CSNK2A2IP: variants seen among roughly 807,000 people sequenced by gnomAD.
The protein encoded by CSNK2A2IP is casein kinase II subunit alpha'-interacting protein.
the CSNK2A2IP span, among the ~76,000 whole-genome samples, chr3:88,460,781 T>A: frequency 1.3e-5 from 2 of 152,168 alleles, no homozygotes; most frequent in African/African-American, 4.8e-5. Flanking sequence ...TTTGTGTGTA[T>A]GATTCTTTTT....
At chr3:88,430,479 T>A in the CSNK2A2IP span, among the ~76,000 whole-genome samples, 1 of 151,982 alleles carries the variant, frequency 6.6e-6, no homozygotes, top group Non-Finnish European at 1.5e-5. Flanking sequence ...TGCTGAAGAG[T>A]CATATTCAGC....
At chr3:88,450,619 C>A in the CSNK2A2IP span, among the ~76,000 whole-genome samples, 1 of 152,012 alleles carries the variant, frequency 6.6e-6, no homozygotes, top group African/African-American at 2.4e-5. Flanking sequence ...ATAGCAAGAT[C>A]GGGTTCTTTT....
At chr3:88,372,427 A>G in the CSNK2A2IP span, among the ~76,000 whole-genome samples, 7 of 151,690 alleles carry the variant, frequency 4.6e-5, no homozygotes, top group Admixed American at 4.6e-4. Flanking sequence ...ATTTAAATAT[A>G]TTGAAATAAT....
At chr3:88,374,966 A>T in the CSNK2A2IP span, among the ~76,000 whole-genome samples, 7 of 151,906 alleles carry the variant, frequency 4.6e-5, no homozygotes, top group African/African-American at 1.7e-4. Flanking sequence ...CAAAATTATC[A>T]GTATATAGTC....
the CSNK2A2IP span, among the ~76,000 whole-genome samples, chr3:88,461,879 T>C: frequency 4.6e-5 from 7 of 152,024 alleles, no homozygotes; most frequent in African/African-American, 1.7e-4. Context: ...TAGCTGAGAC[T>C]ACAGGTGCGA....
At chr3:88,418,726 T>G in the CSNK2A2IP span, among the ~76,000 whole-genome samples, 1 of 152,140 alleles carries the variant, frequency 6.6e-6, no homozygotes, top group Non-Finnish European at 1.5e-5. Flanking sequence ...TGTTGTGGGT[T>G]TTGGTGTATA....
At chr3:88,383,477 C>T in the CSNK2A2IP span, among the ~76,000 whole-genome samples, 1 of 152,030 alleles carries the variant, frequency 6.6e-6, no homozygotes, top group Non-Finnish European at 1.5e-5. Context: ...GGTGCAGAGT[C>T]AAGTCTTCAT....
At chr3:88,433,700 A>G in the CSNK2A2IP span, among the ~76,000 whole-genome samples, 1 of 152,214 alleles carries the variant, frequency 6.6e-6, no homozygotes, top group Non-Finnish European at 1.5e-5. Flanking sequence ...AGCTAGCATC[A>G]CAGTGAAAAT....
the CSNK2A2IP span, among the ~76,000 whole-genome samples, chr3:88,458,150 T>G: frequency 7.4e-5 from 10 of 134,250 alleles, no homozygotes; most frequent in African/African-American, 2.9e-4. Flanking sequence ...GGTTTTTTTT[T>G]TTTTTTTTTT....
the CSNK2A2IP span, among the ~76,000 whole-genome samples, chr3:88,391,907 G>C: frequency 6.6e-6 from 1 of 152,178 alleles, no homozygotes. Context: ...ATTAGATAAT[G>C]AGGTGGAGGA....
chr3:88,355,214 T>G, the CSNK2A2IP span, among the ~76,000 whole-genome samples: 8 of 152,250 alleles, frequency 5.3e-5, no homozygotes, highest in Admixed American at 2.0e-4. Context: ...GTGATGGTGG[T>G]GCAGAAGTAG....
At chr3:88,417,464 G>T in the CSNK2A2IP span, among the ~76,000 whole-genome samples, 2 of 152,204 alleles carry the variant, frequency 1.3e-5, no homozygotes, top group East Asian at 3.8e-4. Flanking sequence ...TAGTGGTTCA[G>T]TGTGTCTGGA....
At chr3:88,410,880 A>G in the CSNK2A2IP span, among the ~76,000 whole-genome samples, 7,174 of 152,046 alleles carry the variant, frequency 0.047, 612 homozygotes, top group African/African-American at 0.16. Context: ...TAGAGAGCGG[A>G]AGCAAAACAA....
the CSNK2A2IP span, among the ~76,000 whole-genome samples, chr3:88,459,526 T>C: frequency 6.6e-6 from 1 of 152,096 alleles, no homozygotes; most frequent in South Asian, 2.1e-4. Flanking sequence ...AAAGGTTATG[T>C]CTCATTTTTT....
At chr3:88,454,562 T>A in the CSNK2A2IP span, among the ~76,000 whole-genome samples, 141 of 152,022 alleles carry the variant, frequency 9.3e-4, 1 homozygote, top group African/African-American at 3.1e-3. Flanking sequence ...TTACAGTAGA[T>A]CCATGATCTT....
chr3:88,356,329 A>G, the CSNK2A2IP span, among the ~76,000 whole-genome samples: 1 of 152,010 alleles, frequency 6.6e-6, no homozygotes, highest in Non-Finnish European at 1.5e-5. Flanking sequence ...TAGCTCCCAC[A>G]TATGAGTGAG....
the CSNK2A2IP span, among the ~76,000 whole-genome samples, chr3:88,453,667 CT>C: frequency 6.6e-6 from 1 of 151,990 alleles, no homozygotes; most frequent in Admixed American, 6.6e-5. Flanking sequence ...TTCAGAAAGT[CT>C]TACTTTGAAA....
the CSNK2A2IP span, among the ~76,000 whole-genome samples, chr3:88,435,688 G>A: frequency 1.3e-5 from 2 of 152,090 alleles, no homozygotes; most frequent in Non-Finnish European, 2.9e-5. Context: ...ATGGCACGTA[G>A]AGTACAACAT....
chr3:88,377,016 A>G, the CSNK2A2IP span, among the ~76,000 whole-genome samples: 2 of 151,772 alleles, frequency 1.3e-5, no homozygotes, highest in African/African-American at 4.8e-5. Context: ...CATTTTACCT[A>G]CAAAAAGAAG....
Sources: allele counts gnomAD v4.1 joint callset (sites outside exome capture counted in the v4.1 genomes callset), GRCh38; gene constraint gnomAD v4.1.1; transcripts MANE v1.5; gene names NCBI Gene and HGNC (gene_info 2026-07-23, HGNC 2026-07-21).